IFNGR2: variants seen among roughly 807,000 people sequenced by gnomAD.
The protein encoded by IFNGR2 is interferon gamma receptor 2.
A neutral mutation model predicts 41.1 loss-of-function variants in IFNGR2; 15 were observed. That is an observed-to-expected ratio of 0.37 (90% CI 0.24 to 0.56). The LOEUF (loss-of-function observed/expected upper bound fraction) is 0.56. Ranked by LOEUF, IFNGR2 falls within the 20% of genes least tolerant of loss-of-function variation. The pLI is 0.81. For synonymous variants in IFNGR2, 161 were observed against 171.6 expected, an observed-to-expected ratio of 0.94 and a Z score of 0.48; for missense variants, 362 against 415.7, an observed-to-expected ratio of 0.87 and a Z score of 1.12.
At chr21:33,421,746 T>G in intron 3 of IFNGR2, 61 bp downstream of exon 3, 1 of 1,272,808 alleles carries the variant, frequency 7.9e-7, no homozygotes, top group Non-Finnish European at 1.1e-6. Context: ...ACTTGCGGTA[T>G]CGACTCCACA....
intron 3 of IFNGR2, among the ~76,000 whole-genome samples, chr21:33,424,935 G>A (rs183050268): frequency 2.6e-3 from 400 of 151,936 alleles, no homozygotes; most frequent in Middle Eastern, 0.017. Flanking sequence ...GTGAGATGGA[G>A]TTTCACTCTT....
chr21:33,429,930 G>C (rs770184445), intron 4 of IFNGR2, among the ~76,000 whole-genome samples: 1 of 152,198 alleles, frequency 6.6e-6, no homozygotes, highest in Non-Finnish European at 1.5e-5. Context: ...CTTGAGGTCA[G>C]GGGTTCGAGA....
chr21:33,406,374 CAAAAAAAGAA>C (rs1170179648), intron 1 of IFNGR2, among the ~76,000 whole-genome samples: 4 of 146,450 alleles, frequency 2.7e-5, no homozygotes, highest in Non-Finnish European at 4.5e-5. Context: ...GACTCTGTCT[CAAAAAAAGAA>C]AAAAAAAGAA....
intron 1 of IFNGR2, chr21:33,410,823 A>G: frequency 6.6e-7 from 1 of 1,523,888 alleles, no homozygotes; most frequent in African/African-American, 1.4e-5. Context: ...CATAATCTAA[A>G]ATTTATGCTC....
intron 4 of IFNGR2, among the ~76,000 whole-genome samples, chr21:33,428,408 T>A (rs573870386): frequency 2.0e-5 from 3 of 151,664 alleles, no homozygotes; most frequent in African/African-American, 7.3e-5. Context: ...AATTTTTTTT[T>A]ATAGAGATGG....
At position 33,432,988 on chromosome 21, in the gene IFNGR2, C is replaced by T. The variant is rs1035633808; in HGVS notation, c.879+117C>T. 4.4e-5 allele frequency: 37 copies of T among 849,784 alleles called. 1 individual carries two copies. The highest frequency in any genetic ancestry group is 1.4e-4 in the African/African-American group (8 of 59,204). 52.6% of individuals were successfully genotyped at this position (849,784 alleles called of 1,614,324 possible). A position where few individuals can be genotyped will look rare whatever the true frequency, so the allele number is the denominator to read the frequency against. On this transcript the variant is annotated intron_variant, in intron 6 of 6. Coordinates refer to ENST00000290219, the MANE Select transcript of IFNGR2 (RefSeq NM_005534.4). Reference sequence around the variant, plus strand: ...GCAGCCTCCATCTCCCAGGTTCAAGCGATTCTCCTGCCTCAGCCTCCTGAG... The same window carrying T: ...GCAGCCTCCATCTCCCAGGTTCAAGTGATTCTCCTGCCTCAGCCTCCTGAG...
Position 33,421,331 on chromosome 21 carries a change from C to CA in IFNGR2, c.207-130dup, listed in dbSNP as rs569309072. The CA allele has an allele frequency of 0.48, 217,533 of 456,230 alleles. 33,644 individuals are homozygous for CA. Among genetic ancestry groups the CA allele is most frequent in the African/African-American group, 0.77 (25,058 of 32,668 alleles). The allele number at this position is 456,230 out of a possible 1,614,324, so 28.3% of individuals were successfully genotyped here. On this transcript the variant is annotated intron_variant, in intron 2 of 6. Transcript: ENST00000290219. ...TGGGTGACAGAGCAAAACTCCATCT[C>CA]AAAAAAAAAAAAAAAAAAAGCGGGG...
chr21:33,409,674 A>G (rs2083702858), intron 1 of IFNGR2, among the ~76,000 whole-genome samples: 1 of 152,150 alleles, frequency 6.6e-6, no homozygotes, highest in Non-Finnish European at 1.5e-5. Flanking sequence ...GACAGTATGC[A>G]CTCAGATGGT....
Position 33,403,602 on chromosome 21 carries a change from C to T in IFNGR2, c.59C>T (p.Ala20Val), listed in dbSNP as rs1406999141. Reference protein sequence around the residue: ...LLLLGVFAAAAAAPPDPLSQL... With the variant: ...LLLLGVFAAAVAAPPDPLSQL... ...CTGCTCGGAGTCTTCGCCGCCGCCG[C>T]CGCGGCCCCGCCAGGTGAGCCGGGC... Residue 20 changes from alanine (A) to valine (V), a missense_variant, in exon 1 of 7, where the codon GCC becomes GTC. Physicochemically the swap from Ala to Val is moderately conservative, Grantham distance 64. Transcript: ENST00000290219. 5 of 1,367,648 alleles carry T rather than the reference C, an allele frequency of 3.7e-6. No individual in the cohort carries two copies. The African/African-American group carries it at 4.6e-5, about 12-fold the overall frequency. 84.7% of individuals were successfully genotyped at this position (1,367,648 alleles called of 1,614,324 possible). A position where few individuals can be genotyped will look rare whatever the true frequency, so the allele number is the denominator to read the frequency against.
At chr21:33,412,500 C>T (rs1037947175) in intron 1 of IFNGR2, among the ~76,000 whole-genome samples, 2 of 152,270 alleles carry the variant, frequency 1.3e-5, no homozygotes, top group East Asian at 1.9e-4. Flanking sequence ...TCCCCGATAC[C>T]GTCAAGGCCT....
At chr21:33,410,876 T>C in intron 1 of IFNGR2, 1 of 1,547,272 alleles carries the variant, frequency 6.5e-7, no homozygotes, top group Non-Finnish European at 8.7e-7. Context: ...GGTGCAATGA[T>C]TCAGCAGCTA....
At chr21:33,406,848 C>T (rs534393023) in intron 1 of IFNGR2, among the ~76,000 whole-genome samples, 8 of 151,894 alleles carry the variant, frequency 5.3e-5, no homozygotes, top group South Asian at 2.1e-4. Flanking sequence ...GAGGTTTCAC[C>T]GTGTTTCCCA....
At chr21:33,421,385 T>A in intron 2 of IFNGR2, 95 bp from the exon 3 acceptor site, 1 of 884,476 alleles carries the variant, frequency 1.1e-6, no homozygotes, top group Non-Finnish European at 1.9e-6. Flanking sequence ...ATAAATTGTA[T>A]CTCAATAAAC....
intron 3 of IFNGR2, 50 bp from the exon 4 acceptor site, chr21:33,426,834 A>G (rs1460062069): frequency 4.3e-6 from 6 of 1,404,888 alleles, no homozygotes; most frequent in Non-Finnish European, 5.0e-6. Flanking sequence ...TATTATATCT[A>G]TAATACATAT....
At chr21:33,421,853 G>A (rs1012337906) in intron 3 of IFNGR2, among the ~76,000 whole-genome samples, 168 bp downstream of exon 3, 1 of 152,240 alleles carries the variant, frequency 6.6e-6, no homozygotes, top group Non-Finnish European at 1.5e-5. Flanking sequence ...CTAAGGGAGT[G>A]TGATTTGCTA....
intron 4 of IFNGR2, among the ~76,000 whole-genome samples, chr21:33,427,935 T>G (rs1037691282): frequency 6.6e-6 from 1 of 150,720 alleles, no homozygotes; most frequent in South Asian, 2.1e-4. Flanking sequence ...TTTACCACGT[T>G]GGTCAGGCTG....
At chr21:33,417,388 G>A (rs7277808) in intron 2 of IFNGR2, among the ~76,000 whole-genome samples, 1 of 151,918 alleles carries the variant, frequency 6.6e-6, no homozygotes, top group Non-Finnish European at 1.5e-5. Context: ...TCACACTGGC[G>A]TTTCTTATTT....
chr21:33,432,009 A>G (rs1469586010), intron 4 of IFNGR2, among the ~76,000 whole-genome samples, 168 bp from the exon 5 acceptor site: 3 of 152,238 alleles, frequency 2.0e-5, no homozygotes, highest in African/African-American at 7.2e-5. Flanking sequence ...ACAACACACC[A>G]ATTTTCACAC....
At chr21:33,410,151 G>A (rs2123332124) in intron 1 of IFNGR2, among the ~76,000 whole-genome samples, 1 of 149,796 alleles carries the variant, frequency 6.7e-6, no homozygotes, top group South Asian at 2.1e-4. Context: ...CAAGTTCATT[G>A]TCTTAATTAC....
Sources: gnomAD v4.1 joint callset for allele counts (sites outside exome capture counted in the v4.1 genomes callset) on GRCh38, gnomAD v4.1.1 for gene constraint, MANE v1.5 for transcripts, NCBI Gene and HGNC (gene_info 2026-07-23, HGNC 2026-07-21) for gene names.